The following TUB variants were observed in gnomAD, a reference collection of about 807,000 sequenced individuals.
TUB encodes TUB bipartite transcription factor, also known as tubby protein homolog.
Under a neutral mutation model 59.7 loss-of-function variants are expected in TUB, and 33 were observed. The ratio of observed to expected loss-of-function variants is 0.55; its 90% CI spans 0.42 to 0.74. TUB has a LOEUF of 0.74. Among genes scored for constraint, TUB ranks in the 30% least tolerant of loss-of-function variants. TUB has a pLI of 0.00. For synonymous variants in TUB, 293 were observed against 256.4 expected, an observed-to-expected ratio of 1.14 and a Z score of -1.36; for missense variants, 659 against 672.0, an observed-to-expected ratio of 0.98 and a Z score of 0.21.
At position 8,101,056 on chromosome 11, in the gene TUB, G is replaced by C. The variant is rs1284375360; in HGVS notation, c.1387+59G>C. ...TAGGATACCCAAGGCCCTTAGCGTA[G>C]GGTTCAGCCCACCTAGCCCTGCCTA... On this transcript the variant is annotated intron_variant, in intron 11 of 11. Transcript: ENST00000299506. The C allele has an allele frequency of 9.4e-6, 15 of 1,597,752 alleles. No individual in the cohort carries two copies. The East Asian group carries it at 1.8e-4, about 19-fold the overall frequency.
intron 2 of TUB, chr11:8,062,054 C>T (rs1589941871): frequency 6.5e-6 from 1 of 152,726 alleles, no homozygotes; most frequent in Admixed American, 6.5e-5. Flanking sequence ...TGACGACTCT[C>T]GGTGTTTCCT....
chr11:8,038,073 A>G (rs1230641821), upstream of TUB, among the ~76,000 whole-genome samples: 2 of 152,220 alleles, frequency 1.3e-5, no homozygotes, highest in Non-Finnish European at 2.9e-5. Context: ...GCAGAAAGCT[A>G]CGATGGTGCC....
At chr11:8,091,400 G>A (rs1943772574) in intron 3 of TUB, among the ~76,000 whole-genome samples, 3 of 152,102 alleles carry the variant, frequency 2.0e-5, no homozygotes, top group African/African-American at 4.8e-5. Context: ...ATCTGCCAGT[G>A]GCTAAGTACA....
intron 2 of TUB, among the ~76,000 whole-genome samples, chr11:8,060,390 G>A (rs1159142603): frequency 6.6e-6 from 1 of 152,166 alleles, no homozygotes; most frequent in Non-Finnish European, 1.5e-5. Context: ...CGGGTTGCTG[G>A]CCACCTCTGA....
intron 2 of TUB, among the ~76,000 whole-genome samples, chr11:8,047,976 C>T (rs193018869): frequency 3.3e-5 from 5 of 152,174 alleles, no homozygotes; most frequent in Middle Eastern, 3.4e-3. Context: ...TTATATCCTT[C>T]ACTGTCATTT....
chr11:8,067,395 G>A (rs1375761435), intron 2 of TUB: 1 of 152,092 alleles, frequency 6.6e-6, no homozygotes, highest in African/African-American at 2.4e-5. Flanking sequence ...TCTATAAACT[G>A]GAAATAATAA....
chr11:8,103,990 T>C lies in TUB; in HGVS notation c.*2371T>C, dbSNP rs974343651. The C allele has an allele frequency of 1.3e-5, 2 of 152,212 alleles. No homozygotes were observed. Among genetic ancestry groups the C allele is most frequent in the East Asian group, 3.9e-4 (2 of 5,186 alleles). The allele number at this position is 152,212 out of a possible 1,614,324, so 9.4% of individuals were successfully genotyped here. Reference sequence around the variant, plus strand: ...TTTCTAGCCTAAGTGTGGAGAAGGATAGCCTCAGCCACAAAACTCTGTCAG... The same window carrying C: ...TTTCTAGCCTAAGTGTGGAGAAGGACAGCCTCAGCCACAAAACTCTGTCAG... On this transcript the variant is annotated 3_prime_UTR_variant, in exon 12 of 12. Transcript: ENST00000299506.
chr11:8,089,848 C>T (rs550655039), intron 2 of TUB, among the ~76,000 whole-genome samples, 187 bp downstream of exon 2: 158 of 152,382 alleles, frequency 1.0e-3, no homozygotes, highest in Non-Finnish European at 1.7e-3. Context: ...TGGGCTCCTG[C>T]CTTCAGGCAG....
At chr11:8,019,688 C>G (rs949649949) in intron 1 of TUB, among the ~76,000 whole-genome samples, 57 of 152,044 alleles carry the variant, frequency 3.7e-4, no homozygotes, top group African/African-American at 1.3e-3. Context: ...GCGGAGGGGG[C>G]GCCGGGAGGG....
intron 2 of TUB, among the ~76,000 whole-genome samples, chr11:8,072,243 A>G (rs1462937226): frequency 6.6e-6 from 1 of 152,118 alleles, no homozygotes; most frequent in Non-Finnish European, 1.5e-5. Flanking sequence ...GCCTAGAAGG[A>G]GTCTTCACGC....
intron 2 of TUB, among the ~76,000 whole-genome samples, chr11:8,044,377 G>A (rs1942797095): frequency 6.6e-6 from 1 of 152,126 alleles, no homozygotes; most frequent in African/African-American, 2.4e-5. Context: ...ATCTCTTGAA[G>A]CTTGACTTGC....
intron 5 of TUB, among the ~76,000 whole-genome samples, chr11:8,096,466 CAT>C (rs1308319029): frequency 6.6e-6 from 1 of 152,140 alleles, no homozygotes; most frequent in African/African-American, 2.4e-5. Flanking sequence ...AGCCCCGGCT[CAT>C]GTGTGTACCT....
At chr11:8,019,532 G>T (rs1336026842) in intron 1 of TUB, among the ~76,000 whole-genome samples, 1 of 152,110 alleles carries the variant, frequency 6.6e-6, no homozygotes, top group African/African-American at 2.4e-5. Flanking sequence ...GCGCAGCGGA[G>T]CTCCAGCGAG....
At chr11:8,083,225 G>A (rs956401461) in intron 1 of TUB, among the ~76,000 whole-genome samples, 11 of 152,202 alleles carry the variant, frequency 7.2e-5, no homozygotes, top group Non-Finnish European at 1.2e-4. Flanking sequence ...CTCCGGTGCT[G>A]TGGAAGTACC....
chr11:8,101,446 T>C (rs1298083113), intron 11 of TUB, 40 bp from the exon 12 acceptor site: 1 of 1,607,856 alleles, frequency 6.2e-7, no homozygotes, highest in East Asian at 2.2e-5. Context: ...ACCATTCCTG[T>C]CCTGTCCTTT....
At chr11:8,086,601 G>A (rs1352776417) in intron 1 of TUB, among the ~76,000 whole-genome samples, 3 of 152,120 alleles carry the variant, frequency 2.0e-5, no homozygotes, top group Non-Finnish European at 4.4e-5. Flanking sequence ...GTCCCATCTC[G>A]TCCCCTTGCA....
rs1007984216 is a variant in TUB at position 8,054,105 on chromosome 11, A to G, written c.203+14413A>G. Among the ~76,000 whole-genome samples the G allele has an allele frequency of 1.1e-4, 17 of 151,820 alleles. 1 individual carries two copies. Among genetic ancestry groups the G allele is most frequent in the Admixed American group, 6.6e-5 (1 of 15,250 alleles). ...ACTCCAGCCGGGGCGACAGAGCGAG[A>G]CTCTGTCTCAAAAAGAAAAAAAAGT... On this transcript the variant is annotated intron_variant, in intron 2 of 12. Coordinates refer to the TUB transcript ENST00000305253.
chr11:8,073,377 T>G (rs1038657559), intron 2 of TUB, among the ~76,000 whole-genome samples: 1 of 152,238 alleles, frequency 6.6e-6, no homozygotes, highest in Non-Finnish European at 1.5e-5. Context: ...GGTTTGTGAA[T>G]TCAGAATAGG....
At chr11:8,067,924 C>T (rs1199646090) in intron 2 of TUB, 1 of 152,368 alleles carries the variant, frequency 6.6e-6, no homozygotes, top group African/African-American at 2.4e-5. Context: ...AACCCCTTCT[C>T]AAACCTGCTA....
Sources: gnomAD v4.1 joint callset for allele counts (sites outside exome capture counted in the v4.1 genomes callset) on GRCh38, gnomAD v4.1.1 for gene constraint, MANE v1.5 for transcripts, NCBI Gene and HGNC (gene_info 2026-07-23, HGNC 2026-07-21) for gene names.